The following PLCL1 variants were observed in gnomAD, a reference collection of about 807,000 sequenced individuals.
The protein encoded by PLCL1 is phospholipase C like 1 (inactive).
PLCL1 carries 41 observed loss-of-function variants against 84.4 expected under a neutral mutation model. The observed-to-expected ratio is 0.49, with a 90% CI of 0.38 to 0.63. The LOEUF is 0.63. PLCL1 is among the 30% of genes least tolerant of loss of function. The probability of loss-of-function intolerance (pLI) is 0.00; values close to 1 mark genes in which losing one functional copy is unlikely to be tolerated. For missense variants in PLCL1, 1,206 were observed against 1,367.8 expected, an observed-to-expected ratio of 0.88 and a Z score of 1.87; for synonymous variants, 490 against 488.3, an observed-to-expected ratio of 1.00 and a Z score of -0.05.
intron 1 of PLCL1, among the ~76,000 whole-genome samples, chr2:197,833,277 A>G (rs1396975108): frequency 6.6e-6 from 1 of 152,234 alleles, no homozygotes; most frequent in Non-Finnish European, 1.5e-5. Context: ...TCGGCACAAG[A>G]CAAGGATGCC....
intron 1 of PLCL1, among the ~76,000 whole-genome samples, chr2:198,073,427 T>C (rs1348512117): frequency 6.6e-6 from 1 of 152,206 alleles, no homozygotes; most frequent in Non-Finnish European, 1.5e-5. Context: ...AGGATTAAAG[T>C]GTTAGATAGT....
At chr2:197,838,783 G>A (rs1347881293) in intron 1 of PLCL1, among the ~76,000 whole-genome samples, 1 of 152,170 alleles carries the variant, frequency 6.6e-6, no homozygotes, top group Non-Finnish European at 1.5e-5. Context: ...AGTTCTGCCT[G>A]GATGTGTCAA....
chr2:198,017,585 A>G (rs1265742269), intron 1 of PLCL1, among the ~76,000 whole-genome samples: 2 of 152,232 alleles, frequency 1.3e-5, no homozygotes, highest in African/African-American at 2.4e-5. Flanking sequence ...CATTATTCTA[A>G]CATAGCATAA....
chr2:197,974,358 A>T (rs1689925621), intron 1 of PLCL1, among the ~76,000 whole-genome samples: 1 of 152,214 alleles, frequency 6.6e-6, no homozygotes, highest in South Asian at 2.1e-4. Context: ...GATAAGTAAA[A>T]GTTTAAACCA....
chr2:197,879,066 C>T (rs1687784866), intron 1 of PLCL1, among the ~76,000 whole-genome samples: 1 of 152,186 alleles, frequency 6.6e-6, no homozygotes, highest in Admixed American at 6.5e-5. Flanking sequence ...CAGCTTCCTT[C>T]TGCAGTTCCT....
chr2:198,040,302 G>T (rs1029224134), intron 1 of PLCL1, among the ~76,000 whole-genome samples: 5 of 152,174 alleles, frequency 3.3e-5, no homozygotes, highest in Non-Finnish European at 2.9e-5. Context: ...GGACAGTCAG[G>T]ACAGAGGTCT....
intron 1 of PLCL1, among the ~76,000 whole-genome samples, chr2:197,846,112 G>A (rs557254313): frequency 6.8e-4 from 104 of 152,188 alleles, no homozygotes; most frequent in Non-Finnish European, 8.7e-4. Context: ...AGTACTGTTC[G>A]GAACTACGCT....
At chr2:197,933,408 C>A (rs993095736) in intron 1 of PLCL1, among the ~76,000 whole-genome samples, 1 of 151,822 alleles carries the variant, frequency 6.6e-6, no homozygotes, top group Non-Finnish European at 1.5e-5. Flanking sequence ...GGACTACAGG[C>A]GCCTGCCACG....
chr2:197,987,791 A>AT (rs1415682215), intron 1 of PLCL1, among the ~76,000 whole-genome samples: 32 of 152,340 alleles, frequency 2.1e-4, no homozygotes, highest in Admixed American at 1.6e-3. Context: ...TATATTTTAT[A>AT]TTTATGCCAT....
At chr2:197,925,051 A>G (rs1018225102) in intron 1 of PLCL1, among the ~76,000 whole-genome samples, 3 of 152,162 alleles carry the variant, frequency 2.0e-5, no homozygotes, top group Admixed American at 2.0e-4. Flanking sequence ...CAGATTAAGA[A>G]TCAGTTTTTT....
chr2:198,114,415 G>T (rs1269458300), intron 5 of PLCL1, among the ~76,000 whole-genome samples: 1 of 151,794 alleles, frequency 6.6e-6, no homozygotes, highest in Non-Finnish European at 1.5e-5. Context: ...AAAGTGGCAG[G>T]ATCCTAATGA....
chr2:197,949,673 G>C (rs1451010928), intron 1 of PLCL1, among the ~76,000 whole-genome samples: 4 of 152,090 alleles, frequency 2.6e-5, no homozygotes, highest in East Asian at 1.9e-4. Flanking sequence ...CAGAGGGAAA[G>C]GGGAGGAGAG....
chr2:197,915,985 C>T (rs1361754287), intron 1 of PLCL1, among the ~76,000 whole-genome samples: 2 of 152,126 alleles, frequency 1.3e-5, no homozygotes, highest in Non-Finnish European at 2.9e-5. Context: ...AACTAAGAGC[C>T]TGGTAGGCAT....
intron 1 of PLCL1, among the ~76,000 whole-genome samples, chr2:197,957,257 C>G (rs568157068): frequency 3.3e-5 from 5 of 151,988 alleles, no homozygotes; most frequent in African/African-American, 1.2e-4. Flanking sequence ...ATAATTATTT[C>G]TTGTGTGTAA....
At chr2:197,934,312 A>T (rs1356860169) in intron 1 of PLCL1, among the ~76,000 whole-genome samples, 3 of 152,216 alleles carry the variant, frequency 2.0e-5, no homozygotes, top group African/African-American at 7.2e-5. Flanking sequence ...ATATGATAAA[A>T]TACCTAATGG....
intron 1 of PLCL1, among the ~76,000 whole-genome samples, chr2:198,016,364 T>G (rs1054251565): frequency 1.3e-5 from 2 of 152,212 alleles, no homozygotes; most frequent in African/African-American, 2.4e-5. Flanking sequence ...ACATTGAATT[T>G]GCTCACCCTG....
intron 1 of PLCL1, among the ~76,000 whole-genome samples, chr2:197,859,270 C>T (rs1010674177): frequency 2.6e-5 from 4 of 151,974 alleles, no homozygotes; most frequent in East Asian, 1.9e-4. Flanking sequence ...TAAATAAACA[C>T]GAATTGAAGA....
chr2:197,863,888 T>G (rs1013039934), intron 1 of PLCL1, among the ~76,000 whole-genome samples: 2 of 152,210 alleles, frequency 1.3e-5, no homozygotes. Context: ...ATAAGATAGC[T>G]GTTGGTCATG....
At chr2:197,883,940 G>A (rs890273919) in intron 1 of PLCL1, among the ~76,000 whole-genome samples, 27 of 152,096 alleles carry the variant, frequency 1.8e-4, no homozygotes, top group Admixed American at 1.8e-3. Flanking sequence ...TATCATATGA[G>A]AACAAAACAC....
Sources: allele counts gnomAD v4.1 joint callset (sites outside exome capture counted in the v4.1 genomes callset), GRCh38; gene constraint gnomAD v4.1.1; transcripts MANE v1.5; gene names NCBI Gene and HGNC (gene_info 2026-07-23, HGNC 2026-07-21).